Variants in SPRY1 observed in about 807,000 individuals in gnomAD.
SPRY1 encodes the protein sprouty RTK signaling antagonist 1.
SPRY1 carries 20 observed loss-of-function variants against 22.6 expected under a neutral mutation model. The ratio of observed to expected loss-of-function variants is 0.89; its 90% CI spans 0.62 to 1.29. The LOEUF (loss-of-function observed/expected upper bound fraction) is 1.29. Among genes scored for constraint, SPRY1 ranks in the 50% most tolerant of loss-of-function variants. The probability of loss-of-function intolerance (pLI) is 0.00; values close to 1 mark genes in which losing one functional copy is unlikely to be tolerated. For synonymous variants in SPRY1, 155 were observed against 144.7 expected (o/e 1.07, Z -0.51); for missense variants, 446 against 387.7 (o/e 1.15, Z -1.26).
intron 2 of SPRY1, chr4:123,398,140 C>T (rs1724985967): frequency 6.6e-6 from 1 of 152,492 alleles, no homozygotes; most frequent in East Asian, 1.9e-4. Flanking sequence ...CTCCGCCACT[C>T]CCCTACTTGT....
chr4:123,401,503 T>G, intron 2 of SPRY1, 34 bp from the exon 3 acceptor site: 2 of 1,449,092 alleles, frequency 1.4e-6, no homozygotes, highest in Non-Finnish European at 1.8e-6. Flanking sequence ...CTGTCATTTA[T>G]TTTCTGTTTT....
intron 2 of SPRY1, chr4:123,398,643 G>A (rs912228639): frequency 6.6e-6 from 1 of 152,026 alleles, no homozygotes; most frequent in Non-Finnish European, 1.5e-5. Context: ...GAGGGGAGGG[G>A]AGGGACGACC....
chr4:123,398,973 C>T (rs1472829507), intron 2 of SPRY1, among the ~76,000 whole-genome samples: 2 of 152,224 alleles, frequency 1.3e-5, no homozygotes, highest in African/African-American at 4.8e-5. Flanking sequence ...CCGGAATTCG[C>T]CGATTACCCC....
Position 123,401,726 on chromosome 4 carries a change from G to C in SPRY1, c.135G>C (p.Lys45Asn), listed in dbSNP as rs1236068649. ...PTAILSLDQI[K>N]AIRGSNEYTE... ...CTATTTTGTCCTTAGACCAGATCAA[G>C]GCCATAAGAGGCAGCAATGAATACA... Residue 45 changes from lysine (K) to asparagine (N), a missense_variant, in exon 3 of 3, where the codon AAG (lysine) becomes AAC (asparagine). Transcript: ENST00000651917. 6.2e-7 allele frequency: 1 copy of C among 1,614,150 alleles called. No homozygotes were observed. The highest frequency in any genetic ancestry group is 1.7e-5 in the Admixed American group (1 of 60,022).
intron 2 of SPRY1, 75 bp downstream of exon 2, chr4:123,397,931 G>A (rs1029514716): frequency 1.3e-5 from 2 of 152,056 alleles, no homozygotes; most frequent in African/African-American, 4.8e-5. Context: ...GTTTCGCCGG[G>A]GTACTGCGCG....
rs1725218921 is a variant in SPRY1 at position 123,402,581 on chromosome 4, T to G, written c.*30T>G. 3 of 1,551,772 alleles carry G rather than the reference T, an allele frequency of 1.9e-6. No homozygotes were observed. Among genetic ancestry groups the G allele is most frequent in the East Asian group, 2.3e-5 (1 of 44,104 alleles). ...TGGAGGTGGGTTGTACCTCCTGAAC[T>G]TTTAGCTTTCAAGTTGTGGCTGTTT... is the stretch of plus-strand genomic sequence containing the variant. On this transcript the variant is annotated 3_prime_UTR_variant, in exon 3 of 3. Coordinates refer to ENST00000651917, the MANE Select transcript of SPRY1 (RefSeq NM_001258038.2).
At position 123,402,991 on chromosome 4, in the gene SPRY1, C is replaced by T. The variant is rs932779050; in HGVS notation, c.*440C>T. On this transcript the variant is annotated 3_prime_UTR_variant, in exon 3 of 3. Coordinates refer to ENST00000651917, the MANE Select transcript of SPRY1 (RefSeq NM_001258038.2). The stretch of plus-strand genomic sequence containing the variant: ...ATAAGCTATGTATTAAATCTGTCTC[C>T]AGTTAGGGCTATCTTCCTAGCATAG... The T allele has an allele frequency of 2.4e-5, 10 of 417,322 alleles. 1 individual carries two copies. The East Asian group carries it at 3.2e-4, about 13-fold the overall frequency. 25.9% of individuals were successfully genotyped at this position (417,322 alleles called of 1,614,324 possible).
rs1725257061 is a variant in SPRY1 at position 123,403,599 on chromosome 4, T to C, written c.*1048T>C. On this transcript the variant is annotated 3_prime_UTR_variant, in exon 3 of 3. Coordinates refer to ENST00000651917, the MANE Select transcript of SPRY1 (RefSeq NM_001258038.2). ...TTTTTATTGTAAAGAATATTTATTA[T>C]GCGAATCTCTATTATTTTATGGTAT... 1 of 167,128 alleles carries C rather than the reference T, an allele frequency of 6.0e-6. No individual in the cohort carries two copies. Among genetic ancestry groups the C allele is most frequent in the African/African-American group, 2.4e-5 (1 of 41,486 alleles). 10.4% of individuals were successfully genotyped at this position (167,128 alleles called of 1,614,324 possible).
chr4:123,398,612 C>G (rs111270579), intron 2 of SPRY1: 4,603 of 151,910 alleles, frequency 0.03, 240 homozygotes, highest in African/African-American at 0.1. Context: ...CGCTGCTGCC[C>G]GAGCCAGGAC....
chr4:123,401,445 G>A, intron 2 of SPRY1, 92 bp from the exon 3 acceptor site: 1 of 1,168,136 alleles, frequency 8.6e-7, no homozygotes, highest in South Asian at 1.5e-5. Flanking sequence ...AGGCGGTTTA[G>A]GCAATTTGTG....
At chr4:123,401,153 G>A (rs1460477111) in intron 2 of SPRY1, among the ~76,000 whole-genome samples, 6 of 152,102 alleles carry the variant, frequency 3.9e-5, no homozygotes, top group African/African-American at 1.4e-4. Context: ...AGCCACCTAT[G>A]AACTGATAAC....
rs750666163 is a variant in SPRY1, at chr4:123,402,353, C to A, written c.762C>A (p.Cys254Ter). 1 of 1,614,212 alleles carries A rather than the reference C, an allele frequency of 6.2e-7. No homozygotes were observed. Among genetic ancestry groups the A allele is most frequent in the Admixed American group, 1.7e-5 (1 of 60,032 alleles). Residue 254 changes from cysteine (C) to a stop codon, truncating the protein, a stop_gained, in exon 3 of 3, where the codon TGC (cysteine) becomes TGA (stop). Transcript: ENST00000651917. LOFTEE classifies it high-confidence loss of function. ...GCTCCTGTTCACAATCACACTGCTGCTCTAGATACCTGTGTATGGGAGCCA... is the reference window on the plus strand; with the variant it reads ...GCTCCTGTTCACAATCACACTGCTGATCTAGATACCTGTGTATGGGAGCCA... ...NPCSCSQSHC[C>*]SRYLCMGAMS... is the part of the protein sequence containing the mutation.
intron 2 of SPRY1, chr4:123,400,346 C>A (rs144070693): frequency 3.7e-4 from 56 of 152,326 alleles, no homozygotes; most frequent in African/African-American, 1.3e-3. Context: ...GGACTTCTTT[C>A]TGCGTTGTTC....
intron 1 of SPRY1, among the ~76,000 whole-genome samples, chr4:123,397,262 T>G (rs1485837651): frequency 2.0e-5 from 3 of 152,160 alleles, no homozygotes; most frequent in African/African-American, 7.2e-5. Flanking sequence ...AAATGCGTGT[T>G]TGTTTAGGCA....
At position 123,401,650 on chromosome 4, in the gene SPRY1, C is replaced by T; in HGVS notation, c.59C>T (p.Ser20Phe). 6.2e-7 allele frequency: 1 copy of T among 1,614,146 alleles called. No individual in the cohort carries two copies. Among genetic ancestry groups the T allele is most frequent in the Non-Finnish European group, 8.5e-7 (1 of 1,180,032 alleles). The change falls in exon 3 of 3, where the codon TCT becomes TTT. Residue 20 changes from serine to phenylalanine, a missense_variant. By Grantham distance (155) the Ser-to-Phe change is radical (BLOSUM62 -2). Coordinates refer to ENST00000651917, the MANE Select transcript of SPRY1 (RefSeq NM_001258038.2). Reference protein sequence around the residue: ...GSSLVVIQQPSLDSRQRLDYE... With the variant: ...GSSLVVIQQPFLDSRQRLDYE... Reference sequence around the variant, plus strand: ...TCGTTAGTTGTGATCCAGCAGCCTTCTTTGGATAGCCGTCAGAGATTAGAC... The same window carrying T: ...TCGTTAGTTGTGATCCAGCAGCCTTTTTTGGATAGCCGTCAGAGATTAGAC...
chr4:123,398,740 C>T (rs1313695680), intron 2 of SPRY1, among the ~76,000 whole-genome samples: 2 of 152,096 alleles, frequency 1.3e-5, no homozygotes, highest in Non-Finnish European at 2.9e-5. Context: ...GGGTGGGCGA[C>T]GGTCTGCGGC....
In SPRY1 at chr4:123,403,664, A is replaced by G. The variant is rs1725260777; in HGVS notation, c.*1113A>G. The stretch of plus-strand genomic sequence containing the variant: ...TGTTGAAATGTACTCATGTTTGAAT[A>G]TAACAAAATATCAATACTTAACGGA... On this transcript the variant is annotated 3_prime_UTR_variant, in exon 3 of 3. Coordinates refer to ENST00000651917, the MANE Select transcript of SPRY1 (RefSeq NM_001258038.2). 6.0e-6 allele frequency: 1 copy of G among 167,130 alleles called. No homozygotes were observed. Among genetic ancestry groups the G allele is most frequent in the Non-Finnish European group, 1.5e-5 (1 of 68,122 alleles). 10.4% of individuals were successfully genotyped at this position (167,130 alleles called of 1,614,324 possible). A position where few individuals can be genotyped will look rare whatever the true frequency, so the allele number is the denominator to read the frequency against.
At chr4:123,401,216 C>T (rs559718943) in intron 2 of SPRY1, among the ~76,000 whole-genome samples, 3 of 152,294 alleles carry the variant, frequency 2.0e-5, no homozygotes, top group Admixed American at 6.5e-5. Context: ...GTATTCCCTG[C>T]GAAGGCATGC....
Position 123,402,404 on chromosome 4 carries a change from CTG to C in SPRY1, c.815_816del (p.Cys272LeufsTer5). 6.2e-7 allele frequency: 1 copy of C among 1,614,180 alleles called. No homozygotes were observed. ...AMSLFLPCLL[C>X]YPPAKGCLKL... Reference sequence around the variant, plus strand: ...TGTCTTTATTTTTACCTTGCTTACTCTGTTATCCTCCTGCTAAAGGATGCCTG... The same window carrying C: ...TGTCTTTATTTTTACCTTGCTTACTCTTATCCTCCTGCTAAAGGATGCCTG... On this transcript the variant is annotated frameshift_variant, in exon 3 of 3. Transcript: ENST00000651917. LOFTEE classifies it high-confidence loss of function.
Sources: allele counts gnomAD v4.1 joint callset (sites outside exome capture counted in the v4.1 genomes callset), GRCh38; gene constraint gnomAD v4.1.1; transcripts MANE v1.5; gene names NCBI Gene and HGNC (gene_info 2026-07-23, HGNC 2026-07-21).